The following EXOC6B variants were observed in gnomAD, a reference collection of about 807,000 sequenced individuals.
EXOC6B encodes SEC15 homolog B.
Under a neutral mutation model 113.5 loss-of-function variants are expected in EXOC6B, and 54 were observed. That is an observed-to-expected ratio of 0.48 (90% confidence interval 0.38 to 0.60). The LOEUF is 0.60. Ranked by LOEUF, EXOC6B falls within the 20% of genes least tolerant of loss-of-function variation. The pLI is 0.00. For missense variants in EXOC6B, 797 were observed against 977.5 expected, an observed-to-expected ratio of 0.82 and a Z score of 2.46; for synonymous variants, 357 against 339.0, an observed-to-expected ratio of 1.05 and a Z score of -0.58.
intron 20 of EXOC6B, among the ~76,000 whole-genome samples, chr2:72,255,714 C>A (rs1683313630): frequency 6.6e-6 from 1 of 152,172 alleles, no homozygotes; most frequent in Non-Finnish European, 1.5e-5. Flanking sequence ...CCCAGAGGGC[C>A]ACCCATATCT....
intron 17 of EXOC6B, among the ~76,000 whole-genome samples, chr2:72,469,406 C>T (rs1698261811): frequency 6.6e-6 from 1 of 151,882 alleles, no homozygotes; most frequent in Non-Finnish European, 1.5e-5. Context: ...AAATTTAGAT[C>T]CTTCTTCTTT....
At chr2:72,659,742 T>C (rs1450554892) in intron 6 of EXOC6B, among the ~76,000 whole-genome samples, 2 of 152,164 alleles carry the variant, frequency 1.3e-5, no homozygotes, top group African/African-American at 4.8e-5. Flanking sequence ...CAATATTTTA[T>C]TCAGGAACCA....
intron 1 of EXOC6B, among the ~76,000 whole-genome samples, chr2:72,801,286 C>T (rs1395112711): frequency 6.6e-6 from 1 of 152,018 alleles, no homozygotes; most frequent in African/African-American, 2.4e-5. Flanking sequence ...TGATAACATA[C>T]ATAAATATTT....
At chr2:72,422,495 A>G (rs12989285) in intron 18 of EXOC6B, among the ~76,000 whole-genome samples, 305 of 111,888 alleles carry the variant, frequency 2.7e-3, no homozygotes, top group Middle Eastern at 6.6e-3. Flanking sequence ...CTAGCTCAAG[A>G]TTTGTGAGTG....
intron 1 of EXOC6B, among the ~76,000 whole-genome samples, chr2:72,796,698 A>C (rs1281870292): frequency 6.6e-6 from 1 of 152,154 alleles, no homozygotes; most frequent in Non-Finnish European, 1.5e-5. Context: ...AAAAAAAAAA[A>C]AATCTTCCTA....
chr2:72,598,061 C>T (rs1670187265), intron 6 of EXOC6B, among the ~76,000 whole-genome samples: 1 of 151,892 alleles, frequency 6.6e-6, no homozygotes, highest in South Asian at 2.1e-4. Flanking sequence ...GCAGTAATAG[C>T]TAAACTGAAC....
At chr2:72,539,462 C>T (rs1702470480) in intron 8 of EXOC6B, among the ~76,000 whole-genome samples, 1 of 152,052 alleles carries the variant, frequency 6.6e-6, no homozygotes, top group Admixed American at 6.6e-5. Flanking sequence ...AACAAGGTAC[C>T]CTGTGTTTTG....
intron 8 of EXOC6B, among the ~76,000 whole-genome samples, chr2:72,540,474 G>A (rs1242848524): frequency 1.3e-5 from 2 of 151,988 alleles, no homozygotes; most frequent in East Asian, 3.9e-4. Flanking sequence ...TTAACCATTT[G>A]AAATTATGTT....
chr2:72,379,120 A>G (rs939659298), intron 19 of EXOC6B, among the ~76,000 whole-genome samples: 2 of 152,232 alleles, frequency 1.3e-5, no homozygotes, highest in African/African-American at 4.8e-5. Context: ...ACTGTAATAT[A>G]CATGAGAATG....
At chr2:72,431,112 T>A (rs1020777677) in intron 18 of EXOC6B, among the ~76,000 whole-genome samples, 5 of 152,186 alleles carry the variant, frequency 3.3e-5, no homozygotes, top group African/African-American at 9.7e-5. Flanking sequence ...TCTGCCTAAT[T>A]TAATTTCATA....
intron 7 of EXOC6B, among the ~76,000 whole-genome samples, chr2:72,561,691 T>C (rs1703894922): frequency 6.6e-6 from 1 of 152,252 alleles, no homozygotes; most frequent in Admixed American, 6.5e-5. Flanking sequence ...GGGCTAAGAC[T>C]GGTTTATCTG....
At chr2:72,663,872 A>T (rs1675193062) in intron 6 of EXOC6B, among the ~76,000 whole-genome samples, 1 of 152,202 alleles carries the variant, frequency 6.6e-6, no homozygotes, top group Non-Finnish European at 1.5e-5. Flanking sequence ...ATGCATCAAT[A>T]TTGGCTCATC....
intron 6 of EXOC6B, among the ~76,000 whole-genome samples, chr2:72,577,939 T>C (rs572535917): frequency 9.2e-5 from 14 of 152,164 alleles, no homozygotes; most frequent in African/African-American, 3.4e-4. Flanking sequence ...ATTTTCTTAG[T>C]TGTTCATTCT....
At chr2:72,233,540 C>T (rs1333681781) in intron 20 of EXOC6B, among the ~76,000 whole-genome samples, 1 of 152,158 alleles carries the variant, frequency 6.6e-6, no homozygotes, top group Admixed American at 6.5e-5. Flanking sequence ...TCACCCTCCT[C>T]GCAAACCCCC....
chr2:72,334,363 C>T (rs1249712026), intron 20 of EXOC6B, among the ~76,000 whole-genome samples: 1 of 152,090 alleles, frequency 6.6e-6, no homozygotes, highest in Non-Finnish European at 1.5e-5. Context: ...CATCACATTA[C>T]TTTAATAGGG....
intron 20 of EXOC6B, 75 bp from the exon 21 acceptor site, chr2:72,184,262 A>T (rs750132483): frequency 4.5e-5 from 31 of 694,002 alleles, no homozygotes; most frequent in Non-Finnish European, 7.5e-5. Context: ...AAACTTCATC[A>T]TCCTTCACTA....
chr2:72,427,155 G>A (rs766950946), intron 18 of EXOC6B, among the ~76,000 whole-genome samples: 65 of 152,174 alleles, frequency 4.3e-4, no homozygotes, highest in Non-Finnish European at 8.8e-4. Context: ...GGAGCCAGCC[G>A]CCCCGTGGCC....
intron 6 of EXOC6B, among the ~76,000 whole-genome samples, chr2:72,693,499 A>G (rs928202688): frequency 1.3e-5 from 2 of 152,174 alleles, no homozygotes; most frequent in Non-Finnish European, 2.9e-5. Flanking sequence ...ATGCCTCTCC[A>G]CCTCAAGTAT....
intron 1 of EXOC6B, among the ~76,000 whole-genome samples, chr2:72,824,831 T>C (rs557220747): frequency 2.0e-5 from 3 of 152,268 alleles, no homozygotes; most frequent in African/African-American, 7.2e-5. Context: ...TAAGTACAGG[T>C]AGCCGATAAT....
Sources: allele counts gnomAD v4.1 joint callset (sites outside exome capture counted in the v4.1 genomes callset), GRCh38; gene constraint gnomAD v4.1.1; transcripts MANE v1.5; gene names NCBI Gene and HGNC (gene_info 2026-07-23, HGNC 2026-07-21).